Variants in SORL1 observed in about 807,000 individuals in gnomAD.
The protein encoded by SORL1 is sortilin-related receptor.
A neutral mutation model predicts 273.7 loss-of-function variants in SORL1; 127 were observed. That is an observed-to-expected ratio of 0.46 (90% CI 0.40 to 0.54). SORL1 has a LOEUF of 0.54. Ranked by LOEUF, SORL1 falls within the 20% of genes least tolerant of loss-of-function variation. The pLI is 0.00. For synonymous variants in SORL1, 1,031 were observed against 1,067.4 expected (o/e 0.97, Z 0.66); for missense variants, 2,494 against 2,846.1 (o/e 0.88, Z 2.81).
At chr11:121,540,132 T>C (rs879597971) in intron 12 of SORL1, among the ~76,000 whole-genome samples, 3 of 152,222 alleles carry the variant, frequency 2.0e-5, no homozygotes, top group Non-Finnish European at 4.4e-5. Flanking sequence ...ATCTTGAATA[T>C]GTTCTTTAGA....
rs141873203 is a variant in SORL1, at chr11:121,589,863, T to C, written c.4079-177T>C. ...AGGGGCTGGGAAGATGGGGTTTTGT[T>C]TAGTTTGTAGGTGTATTTTTTGTTC... On this transcript the variant is annotated intron_variant, in intron 29 of 47. Coordinates refer to ENST00000260197, the MANE Select transcript of SORL1 (RefSeq NM_003105.6). Among the ~76,000 whole-genome samples, 59 of 152,208 alleles carry C rather than the reference T, an allele frequency of 3.9e-4. No individual in the cohort carries two copies. The East Asian group carries it at 0.011, about 28-fold the overall frequency.
In SORL1 at chr11:121,604,280, G is replaced by A. The variant is rs1303720009; in HGVS notation, c.4607G>A (p.Gly1536Asp). The part of the protein sequence containing the change: ...ACIVLSERCD[G>D]FLDCSDESDE... ...ATTGTGCTCTCGGAGCGCTGCGACG[G>A]CTTCCTGGACTGCTCGGACGAGAGC... is the stretch of plus-strand genomic sequence containing the variant. The change falls in exon 33 of 48, where the codon GGC becomes GAC. Residue 1536 changes from glycine (G) to aspartate (D), a missense_variant. Coordinates refer to ENST00000260197, the MANE Select transcript of SORL1 (RefSeq NM_003105.6). 16 of 1,613,940 alleles carry A rather than the reference G, an allele frequency of 9.9e-6. No individual in the cohort carries two copies. The highest frequency in any genetic ancestry group is 1.3e-5 in the Non-Finnish European group (15 of 1,180,042).
At chr11:121,607,090 T>C (rs1003337516) in intron 36 of SORL1, 96 bp from the exon 37 acceptor site, 3 of 1,025,650 alleles carry the variant, frequency 2.9e-6, no homozygotes, top group Non-Finnish European at 4.6e-6. Flanking sequence ...ATTTTGCTCC[T>C]CACCATCTTT....
chr11:121,454,817 CTG>C (rs910737059), intron 1 of SORL1, among the ~76,000 whole-genome samples: 2 of 152,180 alleles, frequency 1.3e-5, no homozygotes, highest in Non-Finnish European at 2.9e-5. Flanking sequence ...TCTTGGAACT[CTG>C]GAGTAACTAA....
chr11:121,616,105 A>G (rs1503413), intron 41 of SORL1, among the ~76,000 whole-genome samples: 149,731 of 152,268 alleles, frequency 0.98, 73,695 homozygotes, highest in Middle Eastern at 1. Context: ...GAGTCTACTC[A>G]TAAAGAACCC....
At chr11:121,608,348 C>A (rs982373309) in intron 38 of SORL1, 172 bp downstream of exon 38, 1 of 591,620 alleles carries the variant, frequency 1.7e-6, no homozygotes. Context: ...TAGATAGAGT[C>A]TTTTTGGGGT....
chr11:121,473,052 C>T (rs1861196309), intron 2 of SORL1, among the ~76,000 whole-genome samples: 1 of 151,994 alleles, frequency 6.6e-6, no homozygotes, highest in South Asian at 2.1e-4. Context: ...TGGCCTTCCT[C>T]TCTATACAAA....
Position 121,608,116 on chromosome 11 carries a change from A to G in SORL1, c.5179A>G (p.Thr1727Ala), listed in dbSNP as rs751349473. The G allele has an allele frequency of 1.2e-6, 2 of 1,613,786 alleles. No individual in the cohort carries two copies. The highest frequency in any genetic ancestry group is 1.3e-5 in the African/African-American group (1 of 74,934). Reference protein sequence around the residue: ...TLYTVRVAAVTSRGIGNWSDS... With the variant: ...TLYTVRVAAVASRGIGNWSDS... ...CTGATTTGAAAAGGTGGCTGCGGTG[A>G]CTAGTCGTGGAATAGGAAACTGGAG... is the stretch of plus-strand genomic sequence containing the variant. The change falls in exon 38 of 48, where the codon ACT becomes GCT. Residue 1727 changes from threonine (T) to alanine (A), a missense_variant. Transcript: ENST00000260197.
chr11:121,498,621 A>C (rs1861664815), intron 6 of SORL1, among the ~76,000 whole-genome samples: 1 of 152,104 alleles, frequency 6.6e-6, no homozygotes, highest in Non-Finnish European at 1.5e-5. Context: ...CATGCCTGTA[A>C]TCCCAGCACT....
chr11:121,525,574 A>G (rs1406268330), intron 11 of SORL1, among the ~76,000 whole-genome samples: 1 of 152,248 alleles, frequency 6.6e-6, no homozygotes, highest in Non-Finnish European at 1.5e-5. Flanking sequence ...ATTGCTTCAC[A>G]TCTTTGCCAA....
Position 121,452,557 on chromosome 11 carries a change from C to A in SORL1, c.226C>A (p.Pro76Thr). 6.6e-7 allele frequency: 1 copy of A among 1,510,112 alleles called. No homozygotes were observed. The highest frequency in any genetic ancestry group is 8.8e-7 in the Non-Finnish European group (1 of 1,136,166). 93.5% of individuals were successfully genotyped at this position (1,510,112 alleles called of 1,614,324 possible). The change falls in exon 1 of 48, where the codon CCG becomes ACG. Residue 76 changes from proline (P) to threonine (T), a missense_variant. Coordinates refer to ENST00000260197, the MANE Select transcript of SORL1 (RefSeq NM_003105.6). The surrounding 1 kb of genome is among the most constrained non-coding windows in gnomAD (Gnocchi z 5.3). Reference protein sequence around the residue: ...ARGASRADEKPLRRKRSAALQ... With the variant: ...ARGASRADEKTLRRKRSAALQ... ...GGGGGCGAGCCGCGCGGACGAGAAG[C>A]CGCTCCGGAGGAAACGGAGCGCTGC... is the stretch of plus-strand genomic sequence containing the variant.
intron 2 of SORL1, among the ~76,000 whole-genome samples, chr11:121,472,305 G>A (rs1372949717): frequency 6.6e-6 from 1 of 152,154 alleles, no homozygotes; most frequent in South Asian, 2.1e-4. Context: ...GAATTTTTAT[G>A]CGTTTAAAAA....
At chr11:121,462,461 A>T (rs1343164388) in intron 1 of SORL1, among the ~76,000 whole-genome samples, 2 of 152,166 alleles carry the variant, frequency 1.3e-5, no homozygotes, top group Non-Finnish European at 2.9e-5. Context: ...TCTCCCCGAT[A>T]TGAGGTTAGG....
At chr11:121,608,060 G>T in intron 37 of SORL1, 44 bp from the exon 38 acceptor site, 1 of 1,524,310 alleles carries the variant, frequency 6.6e-7, no homozygotes, top group Non-Finnish European at 9.1e-7. Context: ...GGTGTATGGT[G>T]TATTGCCTTT....
chr11:121,498,678 C>T (rs1016817764), intron 6 of SORL1, among the ~76,000 whole-genome samples: 3 of 152,082 alleles, frequency 2.0e-5, no homozygotes, highest in Non-Finnish European at 2.9e-5. Context: ...TAGTTTGAGA[C>T]GAGCCTGGTC....
intron 2 of SORL1, among the ~76,000 whole-genome samples, chr11:121,474,457 C>A (rs907667899): frequency 6.6e-6 from 1 of 152,188 alleles, no homozygotes. Flanking sequence ...ATCTGTTTCT[C>A]CCCTTTCTCT....
chr11:121,500,360 C>A (rs952482181), intron 6 of SORL1, among the ~76,000 whole-genome samples: 1 of 152,202 alleles, frequency 6.6e-6, no homozygotes, highest in Non-Finnish European at 1.5e-5. Flanking sequence ...AAGACATGAT[C>A]TGTGGACTTG....
Position 121,543,737 on chromosome 11 carries a change from G to A in SORL1, c.1864+11G>A. The A allele has an allele frequency of 6.2e-7, 1 of 1,609,140 alleles. No individual in the cohort carries two copies. The highest frequency in any genetic ancestry group is 8.5e-7 in the Non-Finnish European group (1 of 1,178,326). ...CCACGGATGCCTTGGGTAAGCTGCT[G>A]CCTCCTTGGACCTTTTCACATGGAT... On this transcript the variant is annotated intron_variant, in intron 13 of 47. Coordinates refer to ENST00000260197, the MANE Select transcript of SORL1 (RefSeq NM_003105.6).
chr11:121,537,977 T>C (rs1016959443), intron 12 of SORL1, among the ~76,000 whole-genome samples: 3 of 152,220 alleles, frequency 2.0e-5, no homozygotes, highest in African/African-American at 7.2e-5. Context: ...CTATAGATCC[T>C]CAATCTCTAT....
Sources: allele counts gnomAD v4.1 joint callset (sites outside exome capture counted in the v4.1 genomes callset), GRCh38; gene constraint gnomAD v4.1.1; non-coding constraint Gnocchi (gnomAD v3.1); transcripts MANE v1.5; gene names NCBI Gene and HGNC (gene_info 2026-07-23, HGNC 2026-07-21).